The following SLC25A48 variants were observed in gnomAD, a reference collection of about 807,000 sequenced individuals.
The protein encoded by SLC25A48 is CTC-321K16.1.
A neutral mutation model predicts 32.2 loss-of-function variants in SLC25A48; 29 were observed. The observed-to-expected ratio is 0.90, with a 90% confidence interval of 0.67 to 1.23. The LOEUF is 1.23. Among genes scored for constraint, SLC25A48 ranks in the 50% most tolerant of loss-of-function variants. The pLI is 0.00. For missense variants in SLC25A48, 399 were observed against 422.7 expected (o/e 0.94, Z 0.49); for synonymous variants, 164 against 172.3 (o/e 0.95, Z 0.38).
intron 4 of SLC25A48, among the ~76,000 whole-genome samples, chr5:135,813,373 G>A (rs1279089096): frequency 6.6e-6 from 1 of 152,158 alleles, no homozygotes; most frequent in Non-Finnish European, 1.5e-5. Flanking sequence ...GTGAGGGTGG[G>A]AATGAGAGTG....
upstream of SLC25A48, among the ~76,000 whole-genome samples, chr5:135,831,719 C>A (rs1316986808): frequency 6.6e-6 from 1 of 152,182 alleles, no homozygotes; most frequent in Non-Finnish European, 1.5e-5. Flanking sequence ...GCAGCCAGAC[C>A]CAGTCCTACT....
intron 3 of SLC25A48, among the ~76,000 whole-genome samples, chr5:135,799,353 G>A (rs1019791529): frequency 6.6e-6 from 1 of 151,642 alleles, no homozygotes; most frequent in Admixed American, 6.6e-5. Context: ...AAAAGAAGAT[G>A]ATATTACTCC....
At chr5:135,793,102 T>C (rs1465716153) in intron 3 of SLC25A48, among the ~76,000 whole-genome samples, 1 of 151,382 alleles carries the variant, frequency 6.6e-6, no homozygotes, top group East Asian at 1.9e-4. Flanking sequence ...TCTCCTAATA[T>C]CACAGTAAGT....
chr5:135,847,206 T>C (rs577139798), intron 2 of SLC25A48, among the ~76,000 whole-genome samples: 72 of 152,370 alleles, frequency 4.7e-4, no homozygotes, highest in Middle Eastern at 3.4e-3. Context: ...TTGCCTTTCA[T>C]AGGTGTTCAC....
chr5:135,703,412 G>C (rs903420252), intron 3 of SLC25A48, among the ~76,000 whole-genome samples: 2 of 152,190 alleles, frequency 1.3e-5, no homozygotes, highest in Non-Finnish European at 2.9e-5. Context: ...CTTACCTTCT[G>C]AGGTTGCAGA....
intron 3 of SLC25A48, among the ~76,000 whole-genome samples, chr5:135,644,329 A>G (rs1192550279): frequency 2.0e-5 from 3 of 152,084 alleles, no homozygotes; most frequent in Admixed American, 6.5e-5. Flanking sequence ...GACAGCTAAA[A>G]TTCTGGAGTC....
chr5:135,745,425 A>G (rs1038524676), intron 3 of SLC25A48, among the ~76,000 whole-genome samples: 23 of 152,292 alleles, frequency 1.5e-4, no homozygotes, highest in Non-Finnish European at 1.9e-4. Context: ...TGTCATAGCC[A>G]TCACAAGCAT....
chr5:135,699,420 G>T (rs1279306354), intron 3 of SLC25A48, among the ~76,000 whole-genome samples: 1 of 148,984 alleles, frequency 6.7e-6, no homozygotes, highest in African/African-American at 2.5e-5. Context: ...AAAAAAGCCA[G>T]ACATGGAAGA....
At chr5:135,798,743 G>T (rs1007547855) in intron 3 of SLC25A48, among the ~76,000 whole-genome samples, 1 of 150,778 alleles carries the variant, frequency 6.6e-6, no homozygotes, top group Admixed American at 6.6e-5. Context: ...GGGGAAAGAG[G>T]ATGTTATTAC....
intron 2 of SLC25A48, among the ~76,000 whole-genome samples, chr5:135,631,851 G>A (rs1021259761): frequency 6.6e-6 from 1 of 152,200 alleles, no homozygotes; most frequent in Non-Finnish European, 1.5e-5. Context: ...CATCTTTAGT[G>A]TAAATTTAAA....
chr5:135,584,849 CTG>C (rs1405925905), intron 1 of SLC25A48, among the ~76,000 whole-genome samples: 4 of 152,242 alleles, frequency 2.6e-5, no homozygotes, highest in African/African-American at 9.6e-5. Context: ...ACAGTAACCT[CTG>C]TACAAAGGAT....
intron 7 of SLC25A48, chr5:135,883,181 C>T (rs546539909): frequency 6.1e-6 from 6 of 985,504 alleles, no homozygotes; most frequent in Non-Finnish European, 7.2e-6. Context: ...TCCTCAGAAC[C>T]TCTTCCTTCC....
chr5:135,666,953 T>C (rs761703132), intron 3 of SLC25A48, among the ~76,000 whole-genome samples: 1 of 152,266 alleles, frequency 6.6e-6, no homozygotes, highest in African/African-American at 2.4e-5. Context: ...AGAATATTGG[T>C]CCAATGAGGA....
At chr5:135,787,331 C>T (rs58862014) in intron 3 of SLC25A48, among the ~76,000 whole-genome samples, 303 of 152,094 alleles carry the variant, frequency 2.0e-3, no homozygotes, top group African/African-American at 7.1e-3. Flanking sequence ...TAGGGAGACA[C>T]GACTTCTAAT....
chr5:135,675,691 A>T lies in SLC25A48; in HGVS notation c.-521+40735A>T, dbSNP rs569561744. ...GATTGCTTTGGCTATTTAAGCTTTT[A>T]TCGGTTCCATATGAATTTTAGGGTT... On this transcript the variant is annotated intron_variant, in intron 3 of 10. Coordinates refer to the SLC25A48 transcript ENST00000646290. Among the ~76,000 whole-genome samples the T allele has an allele frequency of 3.3e-5, 5 of 151,940 alleles. No homozygotes were observed. The East Asian group carries it at 9.6e-4, about 29-fold the overall frequency.
chr5:135,735,889 G>C (rs543199290), intron 3 of SLC25A48, among the ~76,000 whole-genome samples: 1 of 152,190 alleles, frequency 6.6e-6, no homozygotes, highest in African/African-American at 2.4e-5. Flanking sequence ...TACCCTGACT[G>C]TGCCTTCAGC....
intron 3 of SLC25A48, among the ~76,000 whole-genome samples, chr5:135,728,255 CAA>C (rs10578008): frequency 0.21 from 26,935 of 131,244 alleles, 2,383 homozygotes; most frequent in East Asian, 0.39. Context: ...GACTCTGTCT[CAA>C]AAAAAAAAAA....
chr5:135,764,327 C>G (rs1354445717), intron 3 of SLC25A48, among the ~76,000 whole-genome samples: 2 of 151,652 alleles, frequency 1.3e-5, no homozygotes, highest in African/African-American at 4.8e-5. Context: ...TGTACACCCC[C>G]CTGTGATATG....
At chr5:135,881,155 C>A (rs150176429) in intron 7 of SLC25A48, among the ~76,000 whole-genome samples, 4 of 152,212 alleles carry the variant, frequency 2.6e-5, no homozygotes, top group African/African-American at 9.7e-5. Context: ...CATTGTCTGG[C>A]CCCATACCGG....
Sources: allele counts gnomAD v4.1 joint callset (sites outside exome capture counted in the v4.1 genomes callset), GRCh38; gene constraint gnomAD v4.1.1; transcripts MANE v1.5; gene names NCBI Gene and HGNC (gene_info 2026-07-23, HGNC 2026-07-21).